Variants in DAB1 observed in about 807,000 individuals in gnomAD.
The protein encoded by DAB1 is DAB adaptor protein 1, also known as disabled homolog 1.
Under a neutral mutation model 64.6 loss-of-function variants are expected in DAB1, and 15 were observed. The ratio of observed to expected loss-of-function variants is 0.23; its 90% CI spans 0.16 to 0.36. The LOEUF (loss-of-function observed/expected upper bound fraction) is 0.36, where lower values mean the gene tolerates loss of function less well. Among genes scored for constraint, DAB1 ranks in the 10% least tolerant of loss-of-function variants. The probability of loss-of-function intolerance (pLI) is 1.00; values close to 1 mark genes in which losing one functional copy is unlikely to be tolerated. For synonymous variants in DAB1, 235 were observed against 251.9 expected, an observed-to-expected ratio of 0.93 and a Z score of 0.64; for missense variants, 596 against 706.7, an observed-to-expected ratio of 0.84 and a Z score of 1.78.
At chr1:58,104,892 A>C (rs1651541882) in intron 5 of DAB1, among the ~76,000 whole-genome samples, 1 of 152,234 alleles carries the variant, frequency 6.6e-6, no homozygotes, top group Admixed American at 6.5e-5. Flanking sequence ...GGATGTGGAA[A>C]TTATTCTCTG....
chr1:57,550,983 AC>A (rs1208427092), intron 7 of DAB1, among the ~76,000 whole-genome samples: 3 of 152,214 alleles, frequency 2.0e-5, no homozygotes, highest in South Asian at 2.1e-4. Context: ...CATTATCCCC[AC>A]TTTACAGTTG....
Position 58,215,978 on chromosome 1 carries a change from T to C in DAB1, n.310-65390A>G, listed in dbSNP as rs1570495021. Among the ~76,000 whole-genome samples, 4 of 145,648 alleles carry C rather than the reference T, an allele frequency of 2.7e-5. No homozygotes were observed. The South Asian group carries it at 8.3e-4, about 30-fold the overall frequency. On this transcript the variant is annotated intron_variant and non_coding_transcript_variant, in intron 4 of 20. Coordinates refer to the DAB1 transcript ENST00000485760. ...TGTTCCTCTGAATTGAATGAATGCA[T>C]GGATGGATGGATGGATGGATGGGTC...
At chr1:58,357,417 TAAA>T (rs1164157376) in intron 3 of DAB1, among the ~76,000 whole-genome samples, 1 of 151,918 alleles carries the variant, frequency 6.6e-6, no homozygotes, top group Non-Finnish European at 1.5e-5. Flanking sequence ...ACAGGAAAAA[TAAA>T]GAAGTAGCCT....
intron 3 of DAB1, among the ~76,000 whole-genome samples, chr1:58,388,563 A>C (rs1644452332): frequency 6.6e-6 from 1 of 152,218 alleles, no homozygotes; most frequent in South Asian, 2.1e-4. Context: ...AGGAGCCTGG[A>C]GCATTGACTA....
At chr1:57,486,199 A>G (rs1644089939) in intron 7 of DAB1, among the ~76,000 whole-genome samples, 1 of 152,216 alleles carries the variant, frequency 6.6e-6, no homozygotes, top group Non-Finnish European at 1.5e-5. Flanking sequence ...CAATTTACAA[A>G]CATTTGATTA....
intron 1 of DAB1, among the ~76,000 whole-genome samples, chr1:57,405,332 T>C (rs1316172424): frequency 1.3e-5 from 2 of 152,130 alleles, no homozygotes; most frequent in African/African-American, 4.8e-5. Flanking sequence ...TGAAGGCCAA[T>C]TTGCACCATT....
At chr1:57,283,573 G>A (rs912248170) in intron 2 of DAB1, among the ~76,000 whole-genome samples, 5 of 152,158 alleles carry the variant, frequency 3.3e-5, no homozygotes, top group Non-Finnish European at 7.4e-5. Context: ...TTTTACAGAT[G>A]AAGAAGTTGA....
intron 4 of DAB1, among the ~76,000 whole-genome samples, chr1:57,124,414 C>T (rs975003793): frequency 6.6e-6 from 1 of 152,030 alleles, no homozygotes; most frequent in African/African-American, 2.4e-5. Context: ...CAGACACTCT[C>T]GTTGGAGCCA....
intron 3 of DAB1, among the ~76,000 whole-genome samples, chr1:58,429,381 A>G (rs1312904618): frequency 2.6e-5 from 4 of 152,330 alleles, no homozygotes; most frequent in East Asian, 1.9e-4. Flanking sequence ...GTTCGAGAGC[A>G]CTTCAACCTG....
chr1:58,304,461 G>T (rs778234018), intron 4 of DAB1, among the ~76,000 whole-genome samples: 2 of 152,118 alleles, frequency 1.3e-5, no homozygotes, highest in African/African-American at 4.8e-5. Context: ...TAAAATAATC[G>T]TTATGAAGTA....
At chr1:57,942,855 T>G (rs929281361) in intron 5 of DAB1, among the ~76,000 whole-genome samples, 1 of 152,226 alleles carries the variant, frequency 6.6e-6, no homozygotes, top group Admixed American at 6.5e-5. Flanking sequence ...TGTTTTGGGT[T>G]TAGCCATTAC....
At chr1:57,316,708 A>G (rs1301806302) in intron 1 of DAB1, among the ~76,000 whole-genome samples, 1 of 152,240 alleles carries the variant, frequency 6.6e-6, no homozygotes, top group African/African-American at 2.4e-5. Flanking sequence ...AGTGAGAACC[A>G]TTTAGGCCAA....
intron 4 of DAB1, among the ~76,000 whole-genome samples, chr1:57,075,974 G>T (rs1221150569): frequency 6.6e-6 from 1 of 152,196 alleles, no homozygotes; most frequent in Non-Finnish European, 1.5e-5. Flanking sequence ...ATTCAGGCAG[G>T]TATCTGAGAT....
chr1:58,382,120 G>C (rs570367056), intron 3 of DAB1, among the ~76,000 whole-genome samples: 12 of 152,320 alleles, frequency 7.9e-5, no homozygotes, highest in African/African-American at 2.6e-4. Context: ...AAGTTAAATG[G>C]GGGAGGCAAT....
At chr1:57,635,258 T>C (rs1646037646) in intron 7 of DAB1, among the ~76,000 whole-genome samples, 1 of 152,194 alleles carries the variant, frequency 6.6e-6, no homozygotes. Context: ...GGCAGTACTC[T>C]AATCCAGGGG....
At chr1:57,795,130 C>A (rs1450772212) in intron 6 of DAB1, among the ~76,000 whole-genome samples, 6 of 152,222 alleles carry the variant, frequency 3.9e-5, no homozygotes, top group Non-Finnish European at 8.8e-5. Context: ...CTTTAAAGAA[C>A]ATGAACATGA....
intron 2 of DAB1, among the ~76,000 whole-genome samples, chr1:57,258,489 T>G (rs1442949609): frequency 1.3e-5 from 2 of 152,104 alleles, no homozygotes; most frequent in Non-Finnish European, 2.9e-5. Flanking sequence ...CCAGGGCCAC[T>G]CTGTTTTTGT....
In DAB1 at chr1:57,996,195, G is replaced by C. The variant is rs12565847; in HGVS notation, n.388-112033C>G. On this transcript the variant is annotated intron_variant and non_coding_transcript_variant, in intron 5 of 20. Transcript: ENST00000485760. ...AATCTCTGGAACCCGGGAGGCAGAG[G>C]AGGCAATGAGCTGAGATCGTGCCAT... 2.4e-4 allele frequency among the ~76,000 whole-genome samples: 36 copies of C among 152,242 alleles called. No homozygotes were observed. In the East Asian group the frequency reaches 5.6e-3, roughly 24 times the overall value.
chr1:57,761,996 G>A (rs371131119), intron 6 of DAB1, among the ~76,000 whole-genome samples: 4 of 152,240 alleles, frequency 2.6e-5, no homozygotes, highest in African/African-American at 9.6e-5. Context: ...CAAATGCTTG[G>A]TATCAGCTGC....
Sources: allele counts gnomAD v4.1 joint callset (sites outside exome capture counted in the v4.1 genomes callset), GRCh38; gene constraint gnomAD v4.1.1; transcripts MANE v1.5; gene names NCBI Gene and HGNC (gene_info 2026-07-23, HGNC 2026-07-21).